The following FAF1 variants were observed in gnomAD, a reference collection of about 807,000 sequenced individuals.
FAF1 encodes Fas associated factor 1.
Under a neutral mutation model 92.5 loss-of-function variants are expected in FAF1, and 25 were observed. The observed-to-expected ratio is 0.27, with a 90% CI of 0.20 to 0.38. The LOEUF is 0.38. Ranked by LOEUF, FAF1 falls within the 10% of genes least tolerant of loss-of-function variation. The pLI, the probability that FAF1 is intolerant of heterozygous loss-of-function variation, is 1.00. For synonymous variants in FAF1, 234 were observed against 273.2 expected, an observed-to-expected ratio of 0.86 and a Z score of 1.42; for missense variants, 636 against 793.3, an observed-to-expected ratio of 0.80 and a Z score of 2.38.
chr1:50,477,374 A>G (rs923621776), intron 17 of FAF1, among the ~76,000 whole-genome samples: 1 of 152,216 alleles, frequency 6.6e-6, no homozygotes, highest in Admixed American at 6.5e-5. Context: ...TCTGCACAGA[A>G]TATCAGATCT....
chr1:50,470,140 C>T (rs146640399), intron 18 of FAF1, among the ~76,000 whole-genome samples: 123 of 152,132 alleles, frequency 8.1e-4, no homozygotes, highest in African/African-American at 2.8e-3. Flanking sequence ...GAGGTATTAC[C>T]ATAGGAAGGT....
Position 50,857,941 on chromosome 1 carries a change from A to G in FAF1, c.102T>C (p.Asn34=), listed in dbSNP as rs377127369. 6.3e-7 allele frequency: 1 copy of G among 1,597,666 alleles called. No individual in the cohort carries two copies. Among genetic ancestry groups the G allele is most frequent in the Non-Finnish European group, 8.5e-7 (1 of 1,171,658 alleles). The change falls in exon 2 of 19, where the codon AAT becomes AAC. Residue 34 remains asparagine (N), a synonymous_variant. Coordinates refer to ENST00000396153, the MANE Select transcript of FAF1 (RefSeq NM_007051.3). ...AAAAAGTACTTACCACTAAGTCCCA[A>G]TTATTTTGTTCAAGCAATGTAATAG... The part of the protein sequence containing the change: ...DEAITLLEQN[N]WDLVAAINGV...
chr1:50,545,111 C>CA (rs1261211239), intron 13 of FAF1, among the ~76,000 whole-genome samples: 1 of 151,572 alleles, frequency 6.6e-6, no homozygotes, highest in Non-Finnish European at 1.5e-5. Flanking sequence ...TTCCAAACCA[C>CA]AAAAAAGAGG....
At chr1:50,598,165 G>A (rs577730165) in intron 8 of FAF1, among the ~76,000 whole-genome samples, 28 of 152,170 alleles carry the variant, frequency 1.8e-4, no homozygotes, top group African/African-American at 6.5e-4. Context: ...GTATGGGGGT[G>A]CACGCCTGTA....
At chr1:50,666,002 C>A (rs376874969) in intron 7 of FAF1, among the ~76,000 whole-genome samples, 224 of 152,028 alleles carry the variant, frequency 1.5e-3, no homozygotes, top group African/African-American at 5.2e-3. Flanking sequence ...CATGGTGAAA[C>A]CCTGTCTCCA....
At chr1:50,924,416 G>A (rs1469728392) in intron 1 of FAF1, among the ~76,000 whole-genome samples, 1 of 151,760 alleles carries the variant, frequency 6.6e-6, no homozygotes, top group Non-Finnish European at 1.5e-5. Context: ...AGAGATTGAA[G>A]AGAACACAAA....
intron 1 of FAF1, among the ~76,000 whole-genome samples, chr1:50,883,199 A>G (rs12748999): frequency 6.6e-6 from 1 of 152,100 alleles, no homozygotes; most frequent in Non-Finnish European, 1.5e-5. Flanking sequence ...GACAATCTGA[A>G]CATCAAAAAT....
chr1:50,756,332 CACA>C (rs1001373530), intron 4 of FAF1, among the ~76,000 whole-genome samples: 18 of 147,072 alleles, frequency 1.2e-4, no homozygotes, highest in Non-Finnish European at 8.8e-5. Flanking sequence ...TTTGCTAAAA[CACA>C]ACAAGAGTCA....
chr1:50,659,757 T>C (rs901769012), intron 7 of FAF1, among the ~76,000 whole-genome samples: 2 of 152,226 alleles, frequency 1.3e-5, no homozygotes, highest in African/African-American at 4.8e-5. Flanking sequence ...TATTTGGATC[T>C]AGAGTTCTAG....
intron 4 of FAF1, among the ~76,000 whole-genome samples, chr1:50,763,210 A>T (rs906819101): frequency 6.6e-6 from 1 of 152,174 alleles, no homozygotes; most frequent in African/African-American, 2.4e-5. Flanking sequence ...GTAAGCCGAG[A>T]TGACGCCACT....
intron 2 of FAF1, among the ~76,000 whole-genome samples, chr1:50,805,963 G>C (rs770828108): frequency 4.0e-5 from 6 of 151,798 alleles, no homozygotes; most frequent in Non-Finnish European, 8.8e-5. Flanking sequence ...AGAAAACAAA[G>C]AAGAAAACTG....
intron 1 of FAF1, among the ~76,000 whole-genome samples, chr1:50,958,812 G>A (rs189234135): frequency 3.3e-5 from 5 of 152,300 alleles, no homozygotes; most frequent in Middle Eastern, 3.4e-3. Flanking sequence ...TGCAATGTGA[G>A]TATTAAAAAA....
At chr1:50,918,582 C>T (rs536399714) in intron 1 of FAF1, among the ~76,000 whole-genome samples, 1 of 36,332 alleles carries the variant, frequency 2.8e-5, no homozygotes, top group Non-Finnish European at 5.3e-5. Flanking sequence ...TTTCTTAATC[C>T]AGTCTATCAT....
intron 2 of FAF1, among the ~76,000 whole-genome samples, chr1:50,852,736 C>T (rs1265085138): frequency 6.6e-6 from 1 of 152,128 alleles, no homozygotes; most frequent in East Asian, 1.9e-4. Context: ...CTCAGTTTCT[C>T]ATCTATATAA....
Position 50,889,747 on chromosome 1 carries a change from T to C in FAF1, c.46-31750A>G, listed in dbSNP as rs571327673. On this transcript the variant is annotated intron_variant, in intron 1 of 18. Transcript: ENST00000396153. ...CTGAGAGACAGTTTGTTATAATTTCTGTTCTTTTACATTTGCTGAGGAGTG... is the reference window on the plus strand; with the variant it reads ...CTGAGAGACAGTTTGTTATAATTTCCGTTCTTTTACATTTGCTGAGGAGTG... Among the ~76,000 whole-genome samples, 144 of 152,358 alleles carry C rather than the reference T, an allele frequency of 9.5e-4. 1 individual carries two copies. Among genetic ancestry groups the C allele is most frequent in the Admixed American group, 9.3e-3 (143 of 15,302 alleles).
At chr1:50,533,413 GTTACT>G (rs1648289374) in intron 15 of FAF1, among the ~76,000 whole-genome samples, 4 of 151,890 alleles carry the variant, frequency 2.6e-5, no homozygotes, top group Non-Finnish European at 5.9e-5. Context: ...TTTTTTTCAA[GTTACT>G]TTATTTTATG....
chr1:50,442,264 A>G (rs1190293191), intron 18 of FAF1, among the ~76,000 whole-genome samples: 1 of 152,078 alleles, frequency 6.6e-6, no homozygotes, highest in Non-Finnish European at 1.5e-5. Flanking sequence ...AAGAAACAAA[A>G]CTTTCCTGTT....
intron 4 of FAF1, among the ~76,000 whole-genome samples, chr1:50,759,879 G>A (rs1233163292): frequency 1.3e-5 from 2 of 152,150 alleles, no homozygotes; most frequent in African/African-American, 4.8e-5. Context: ...TTGTGGTTTT[G>A]ATTTGCATTT....
At chr1:50,780,100 C>A (rs191728979) in intron 4 of FAF1, among the ~76,000 whole-genome samples, 176 of 151,834 alleles carry the variant, frequency 1.2e-3, no homozygotes, top group Non-Finnish European at 2.2e-3. Flanking sequence ...AAGTCCTTTC[C>A]TATCAGTAAT....
Sources: allele counts gnomAD v4.1 joint callset (sites outside exome capture counted in the v4.1 genomes callset), GRCh38; gene constraint gnomAD v4.1.1; transcripts MANE v1.5; gene names NCBI Gene and HGNC (gene_info 2026-07-23, HGNC 2026-07-21).